The following DIS3L2 variants were observed in gnomAD, a reference collection of about 807,000 sequenced individuals.
DIS3L2 encodes the protein DIS3 like 3'-5' exoribonuclease 2, also known as DIS3-like exonuclease 2.
In DIS3L2, 34 loss-of-function variants were observed where a neutral mutation model predicts 97.5. That is an observed-to-expected ratio of 0.35 (90% confidence interval 0.27 to 0.46). The LOEUF is 0.46. DIS3L2 is among the 20% of genes least tolerant of loss of function. The pLI is 1.00. For synonymous variants in DIS3L2, 435 were observed against 445.2 expected (o/e 0.98, Z 0.29); for missense variants, 1,038 against 1,146.0 (o/e 0.91, Z 1.36).
At chr2:231,993,103 T>TG (rs1693629570) in intron 1 of DIS3L2, among the ~76,000 whole-genome samples, 1 of 152,234 alleles carries the variant, frequency 6.6e-6, no homozygotes, top group Admixed American at 6.5e-5. Context: ...TGCCTGGTGT[T>TG]GCAGTCACCT....
At chr2:232,045,840 A>G (rs1695226858) in intron 5 of DIS3L2, among the ~76,000 whole-genome samples, 1 of 151,794 alleles carries the variant, frequency 6.6e-6, no homozygotes, top group Non-Finnish European at 1.5e-5. Context: ...ACGCCCAGCT[A>G]ATTTTTGTAT....
At chr2:232,340,759 C>A (rs183840042), downstream of DIS3L2, 19 of 471,052 alleles carry the variant, frequency 4.0e-5, no homozygotes, top group African/African-American at 3.2e-4. Flanking sequence ...TTCCTCAACT[C>A]GGAGACCCAG....
intron 5 of DIS3L2, among the ~76,000 whole-genome samples, chr2:232,050,837 A>G (rs1193044074): frequency 6.6e-6 from 1 of 152,248 alleles, no homozygotes; most frequent in African/African-American, 2.4e-5. Context: ...ATGTGTAGAC[A>G]GAGAGCCACA....
intron 7 of DIS3L2, among the ~76,000 whole-genome samples, chr2:232,135,872 G>C (rs531215523): frequency 1.3e-5 from 2 of 152,054 alleles, no homozygotes; most frequent in Admixed American, 6.6e-5. Context: ...GTGTTGAGGA[G>C]GGGGTGGTGA....
chr2:232,022,607 A>G (rs547850547), intron 3 of DIS3L2, among the ~76,000 whole-genome samples: 2 of 152,202 alleles, frequency 1.3e-5, no homozygotes, highest in Admixed American at 6.5e-5. Flanking sequence ...AGAGAAAAGC[A>G]TCTGGAATCA....
At chr2:232,253,223 C>T (rs181779869) in intron 12 of DIS3L2, among the ~76,000 whole-genome samples, 10 of 152,240 alleles carry the variant, frequency 6.6e-5, no homozygotes, top group African/African-American at 2.2e-4. Flanking sequence ...TTGTTCGATA[C>T]GAGTATGAGG....
intron 13 of DIS3L2, among the ~76,000 whole-genome samples, chr2:232,279,764 C>T (rs888447456): frequency 1.3e-5 from 2 of 151,778 alleles, no homozygotes; most frequent in African/African-American, 2.4e-5. Flanking sequence ...CTCCTGACCT[C>T]GTGATCTGTC....
At chr2:232,153,935 C>T (rs1391304282) in intron 8 of DIS3L2, among the ~76,000 whole-genome samples, 4 of 150,688 alleles carry the variant, frequency 2.7e-5, no homozygotes, top group South Asian at 2.1e-4. Context: ...CTTCCCTTCT[C>T]GCTTCATTTC....
At chr2:232,319,322 C>G (rs1164938217) in intron 14 of DIS3L2, among the ~76,000 whole-genome samples, 1 of 152,256 alleles carries the variant, frequency 6.6e-6, no homozygotes, top group African/African-American at 2.4e-5. Flanking sequence ...GCAGCCAGTT[C>G]TTTGTTTTGT....
At chr2:232,342,096 CTGTG>C (rs59097449), downstream of DIS3L2, among the ~76,000 whole-genome samples, 1,921 of 149,712 alleles carry the variant, frequency 0.013, 35 homozygotes, top group African/African-American at 0.044. Context: ...CATCAGTAGG[CTGTG>C]TGTGTGTGTG....
chr2:231,970,479 A>G (rs551807843), intron 1 of DIS3L2, among the ~76,000 whole-genome samples: 2 of 152,368 alleles, frequency 1.3e-5, no homozygotes, highest in South Asian at 4.1e-4. Flanking sequence ...GACTGCATTT[A>G]ATACCATAGG....
At chr2:232,080,260 T>C (rs1696349183) in intron 5 of DIS3L2, among the ~76,000 whole-genome samples, 1 of 151,970 alleles carries the variant, frequency 6.6e-6, no homozygotes, top group Non-Finnish European at 1.5e-5. Context: ...GCTGAGAGAG[T>C]GTGCTGGGTG....
intron 4 of DIS3L2, among the ~76,000 whole-genome samples, chr2:232,027,432 T>C (rs1350655441): frequency 6.6e-6 from 1 of 152,176 alleles, no homozygotes; most frequent in Non-Finnish European, 1.5e-5. Context: ...AGGCTTTTGC[T>C]CTGACAGTAG....
At chr2:232,275,730 T>C (rs1694123014) in intron 13 of DIS3L2, among the ~76,000 whole-genome samples, 1 of 152,220 alleles carries the variant, frequency 6.6e-6, no homozygotes, top group Non-Finnish European at 1.5e-5. Flanking sequence ...TTTTTTAGTA[T>C]CTACCAGGTA....
Position 232,164,519 on chromosome 2 carries a change from C to A in DIS3L2, c.1124+887C>A, listed in dbSNP as rs560586043. Among the ~76,000 whole-genome samples, 5 of 152,284 alleles carry A rather than the reference C, an allele frequency of 3.3e-5. No homozygotes were observed. In the South Asian group the frequency reaches 8.3e-4, roughly 25 times the overall value. Reference sequence around the variant, plus strand: ...GTCAAAGTCTTTTCCACCACACTTGCTCGCTTCATGCAGCTGAACTTATGA... The same window carrying A: ...GTCAAAGTCTTTTCCACCACACTTGATCGCTTCATGCAGCTGAACTTATGA... On this transcript the variant is annotated intron_variant, in intron 9 of 20. Transcript: ENST00000325385.
chr2:232,010,792 G>A (rs959596417), intron 1 of DIS3L2, among the ~76,000 whole-genome samples: 7 of 152,264 alleles, frequency 4.6e-5, no homozygotes, highest in Middle Eastern at 6.8e-3. Flanking sequence ...AGAACTTTGC[G>A]TTTTCAAATT....
At chr2:232,133,987 C>CCAAAAAA (rs1698287242) in intron 7 of DIS3L2, among the ~76,000 whole-genome samples, 1 of 76,324 alleles carries the variant, frequency 1.3e-5, no homozygotes, top group East Asian at 3.1e-4. Flanking sequence ...GACTCTGTCT[C>CCAAAAAA]AAAAAAAAAA....
At chr2:232,086,657 A>ATGTGTG (rs376073328) in intron 5 of DIS3L2, among the ~76,000 whole-genome samples, 46 of 36,768 alleles carry the variant, frequency 1.3e-3, no homozygotes, top group East Asian at 0.011. Flanking sequence ...ATATATATAT[A>ATGTGTG]TATGTGTGTG....
intron 1 of DIS3L2, among the ~76,000 whole-genome samples, chr2:231,992,220 G>A (rs1693605274): frequency 6.6e-6 from 1 of 152,166 alleles, no homozygotes; most frequent in South Asian, 2.1e-4. Context: ...GAGACAGTAG[G>A]GGAGAGGATA....
Sources: allele counts gnomAD v4.1 joint callset (sites outside exome capture counted in the v4.1 genomes callset), GRCh38; gene constraint gnomAD v4.1.1; transcripts MANE v1.5; gene names NCBI Gene and HGNC (gene_info 2026-07-23, HGNC 2026-07-21).